Variants in FILIP1 observed in about 807,000 individuals in gnomAD.
FILIP1 encodes the protein filamin-A-interacting protein 1.
Under a neutral mutation model 102.1 loss-of-function variants are expected in FILIP1, and 61 were observed. The observed-to-expected ratio is 0.60, with a 90% CI of 0.49 to 0.74. The LOEUF is 0.74. Ranked by LOEUF, FILIP1 falls within the 30% of genes least tolerant of loss-of-function variation. The pLI is 0.00. For synonymous variants in FILIP1, 491 were observed against 526.9 expected, an observed-to-expected ratio of 0.93 and a Z score of 0.93; for missense variants, 1,314 against 1,441.2, an observed-to-expected ratio of 0.91 and a Z score of 1.43.
chr6:75,480,793 C>T lies in FILIP1; in HGVS notation c.-7+12621G>A, dbSNP rs573342974. Among the ~76,000 whole-genome samples the T allele has an allele frequency of 2.0e-5, 3 of 152,290 alleles. No individual in the cohort carries two copies. The South Asian group carries it at 6.2e-4, about 32-fold the overall frequency. On this transcript the variant is annotated intron_variant, in intron 1 of 5. Transcript: ENST00000237172. ...TGAGGGTCAGGAATTTTCTAGCCTGCAAGAGGCTTCTTTGGCTGCCTCATT... is the reference window on the plus strand; with the variant it reads ...TGAGGGTCAGGAATTTTCTAGCCTGTAAGAGGCTTCTTTGGCTGCCTCATT...
intron 4 of FILIP1, among the ~76,000 whole-genome samples, chr6:75,329,195 G>A (rs1245838088): frequency 6.6e-6 from 1 of 152,140 alleles, no homozygotes; most frequent in Non-Finnish European, 1.5e-5. Flanking sequence ...TGGAACACTT[G>A]TCAATCTGTG....
chr6:75,315,095 A>G lies in FILIP1; in HGVS notation c.737T>C (p.Phe246Ser). 6.2e-7 allele frequency: 1 copy of G among 1,613,804 alleles called. No homozygotes were observed. The highest frequency in any genetic ancestry group is 2.2e-5 in the East Asian group (1 of 44,880). Residue 246 changes from phenylalanine (F) to serine (S), a missense_variant, in exon 5 of 6, where the codon TTT (phenylalanine) becomes TCT (serine). This residue lies in a region of FILIP1 where 494 missense variants were observed against 511.2 expected (regional missense o/e 0.97). Transcript: ENST00000237172. ...TCTTTCATCCACCAGCATGAGTGCA[A>G]AGGATTTGAGTTTAACAAGCTCATC... ...LRDELVKLKS[F>S]ALMLVDERQM...
intron 2 of FILIP1, among the ~76,000 whole-genome samples, chr6:75,405,582 G>C (rs1776815891): frequency 6.6e-6 from 1 of 152,166 alleles, no homozygotes; most frequent in African/African-American, 2.4e-5. Flanking sequence ...TCTCAGCAAG[G>C]CAAGTTACTT....
intron 6 of FILIP1, among the ~76,000 whole-genome samples, chr6:75,297,278 G>A (rs1486949779): frequency 6.6e-6 from 1 of 152,074 alleles, no homozygotes; most frequent in East Asian, 1.9e-4. Flanking sequence ...ATCGTATTAT[G>A]CCATAGACTT....
chr6:75,455,577 G>C (rs1292075091), intron 1 of FILIP1, among the ~76,000 whole-genome samples: 4 of 152,248 alleles, frequency 2.6e-5, no homozygotes, highest in East Asian at 1.9e-4. Context: ...AAAGGTGATT[G>C]CTATTACTAT....
At chr6:75,457,644 C>CTCTCTA (rs973456108) in intron 1 of FILIP1, among the ~76,000 whole-genome samples, 3 of 149,882 alleles carry the variant, frequency 2.0e-5, no homozygotes, top group Non-Finnish European at 4.5e-5. Flanking sequence ...CTCTCTCTCT[C>CTCTCTA]TCTCGTTTCT....
At chr6:75,463,578 A>G (rs910747964) in intron 1 of FILIP1, among the ~76,000 whole-genome samples, 2 of 152,240 alleles carry the variant, frequency 1.3e-5, no homozygotes, top group African/African-American at 4.8e-5. Flanking sequence ...CTTCCAAAAC[A>G]GTTTTCTGGA....
intron 1 of FILIP1, among the ~76,000 whole-genome samples, chr6:75,468,755 G>A (rs2149760603): frequency 6.6e-6 from 1 of 152,078 alleles, no homozygotes; most frequent in Middle Eastern, 3.4e-3. Context: ...TTCTGAGTAA[G>A]ATAAATTTAA....
chr6:75,381,169 T>A (rs548972454), intron 2 of FILIP1, among the ~76,000 whole-genome samples: 1 of 152,258 alleles, frequency 6.6e-6, no homozygotes, highest in East Asian at 1.9e-4. Context: ...ACAGTAGTGA[T>A]GACACTGAGA....
intron 1 of FILIP1, among the ~76,000 whole-genome samples, chr6:75,431,129 C>A (rs1777809218): frequency 6.6e-6 from 1 of 152,156 alleles, no homozygotes; most frequent in African/African-American, 2.4e-5. Context: ...AAAAAGTGAG[C>A]CTTGGCGGTA....
intron 1 of FILIP1, among the ~76,000 whole-genome samples, chr6:75,444,351 C>T (rs945061300): frequency 1.3e-5 from 2 of 152,110 alleles, no homozygotes; most frequent in African/African-American, 2.4e-5. Flanking sequence ...ACTTGATGTG[C>T]GTACATAGTC....
intron 2 of FILIP1, among the ~76,000 whole-genome samples, chr6:75,377,578 C>T (rs76799226): frequency 6.6e-6 from 1 of 152,154 alleles, no homozygotes; most frequent in African/African-American, 2.4e-5. Context: ...ATTACAATTG[C>T]GCCTTTCTCC....
intron 2 of FILIP1, 84 bp downstream of exon 2, chr6:75,414,613 C>T: frequency 6.2e-6 from 8 of 1,298,614 alleles, no homozygotes; most frequent in African/African-American, 3.0e-5. Context: ...GTTCATTACT[C>T]AGAGAGGGGA....
intron 4 of FILIP1, among the ~76,000 whole-genome samples, chr6:75,343,809 A>G (rs1774489898): frequency 6.6e-6 from 1 of 152,246 alleles, no homozygotes; most frequent in Non-Finnish European, 1.5e-5. Context: ...TCTATAATTG[A>G]GCACAAGCAA....
At chr6:75,372,722 GAGAA>G (rs1332608903) in intron 2 of FILIP1, among the ~76,000 whole-genome samples, 1 of 65,890 alleles carries the variant, frequency 1.5e-5, no homozygotes, top group Non-Finnish European at 2.8e-5. Flanking sequence ...AGGAAAGAAA[GAGAA>G]AGAGAAAGAA....
At chr6:75,420,289 A>G (rs1049061849) in intron 1 of FILIP1, among the ~76,000 whole-genome samples, 2 of 147,402 alleles carry the variant, frequency 1.4e-5, no homozygotes, top group Non-Finnish European at 3.0e-5. Context: ...AAATTTCCAG[A>G]AAAAAAAAAA....
chr6:75,331,362 C>T (rs545757769), intron 4 of FILIP1, among the ~76,000 whole-genome samples: 1 of 152,244 alleles, frequency 6.6e-6, no homozygotes, highest in Admixed American at 6.5e-5. Flanking sequence ...TCTCTGATTA[C>T]ACACTCTAGT....
chr6:75,370,769 G>C (rs535700476), intron 2 of FILIP1, among the ~76,000 whole-genome samples: 2 of 151,792 alleles, frequency 1.3e-5, no homozygotes, highest in East Asian at 3.9e-4. Context: ...TAGAGACAGG[G>C]TTTCACCATG....
rs576446311 is a variant in FILIP1, at chr6:75,371,928, G to A, written c.277-9011C>T. 6.1e-3 allele frequency among the ~76,000 whole-genome samples: 935 copies of A among 152,232 alleles called. 17 individuals carry two copies. Among genetic ancestry groups the A allele is most frequent in the Non-Finnish European group, 5.3e-3 (362 of 68,004 alleles). On this transcript the variant is annotated intron_variant, in intron 2 of 5. Transcript: ENST00000237172. Reference sequence around the variant, plus strand: ...CTTATTTCTTGGATATGATACCAAAGCACAGGCAACAAAAGAAAAACATAT... The same window carrying A: ...CTTATTTCTTGGATATGATACCAAAACACAGGCAACAAAAGAAAAACATAT...
Sources: gnomAD v4.1 joint callset for allele counts (sites outside exome capture counted in the v4.1 genomes callset) on GRCh38, gnomAD v4.1.1 for gene constraint, gnomAD v4.1.1 regional missense constraint, MANE v1.5 for transcripts, NCBI Gene and HGNC (gene_info 2026-07-23, HGNC 2026-07-21) for gene names.